IGSF10: variants seen among roughly 807,000 people sequenced by gnomAD.
IGSF10 encodes the protein immunoglobulin superfamily member 10, also known as calvaria mechanical force protein 608.
IGSF10 carries 126 observed loss-of-function variants against 128.2 expected under a neutral mutation model. That is an observed-to-expected ratio of 0.98 (90% CI 0.85 to 1.14). The LOEUF is 1.14. Among genes scored for constraint, IGSF10 ranks in the 50% most tolerant of loss-of-function variants. The pLI is 0.00. For synonymous variants in IGSF10, 1,185 were observed against 1,146.2 expected (o/e 1.03, Z -0.68); for missense variants, 3,295 against 3,149.8 (o/e 1.05, Z -1.10).
chr3:151,436,854 A>C lies in IGSF10; in HGVS notation c.7707T>G (p.Leu2569=). The change falls in exon 8 of 8, where the codon CTT becomes CTG. Residue 2569 remains leucine, a synonymous_variant. Transcript: ENST00000282466. ...EITWEMPDHS[L]LSTASKERTH... ...TCCTCTCTTTACTTGCCGTTGAGAG[A>C]AGGGAGTGGTCAGGCATCTCCCATG... The C allele has an allele frequency of 3.1e-6, 5 of 1,614,110 alleles. No homozygotes were observed. The highest frequency in any genetic ancestry group is 4.2e-6 in the Non-Finnish European group (5 of 1,180,014).
the IGSF10 span, chr3:151,475,716 G>T: frequency 2.0e-5 from 3 of 152,164 alleles, no homozygotes; most frequent in East Asian, 1.9e-4. Flanking sequence ...TGTGATTTTG[G>T]GGGCTGCTTG....
At chr3:151,510,835 G>A in the IGSF10 span, among the ~76,000 whole-genome samples, 3 of 152,148 alleles carry the variant, frequency 2.0e-5, no homozygotes, top group East Asian at 1.9e-4. Flanking sequence ...CTCAGTAACC[G>A]ATGCGATCAA....
the IGSF10 span, among the ~76,000 whole-genome samples, chr3:151,600,091 T>C: frequency 1.3e-5 from 2 of 152,228 alleles, no homozygotes; most frequent in Non-Finnish European, 2.9e-5. Context: ...TTAAGATCAA[T>C]AACATTAATG....
the IGSF10 span, among the ~76,000 whole-genome samples, chr3:151,597,294 A>C: frequency 6.5e-3 from 994 of 152,274 alleles, 18 homozygotes; most frequent in African/African-American, 0.023. Context: ...AATCACCCAA[A>C]TGTCTAATCA....
At chr3:151,534,059 CTCA>C in the IGSF10 span, among the ~76,000 whole-genome samples, 12 of 152,172 alleles carry the variant, frequency 7.9e-5, no homozygotes, top group South Asian at 6.2e-4. Context: ...TGAAAAAAAT[CTCA>C]TCATCACTGG....
chr3:151,509,859 C>T, the IGSF10 span, among the ~76,000 whole-genome samples: 1 of 152,188 alleles, frequency 6.6e-6, no homozygotes, highest in Non-Finnish European at 1.5e-5. Flanking sequence ...GTCTTACACC[C>T]ACAGAGCCTC....
chr3:151,601,230 CT>C, the IGSF10 span, among the ~76,000 whole-genome samples: 1 of 152,074 alleles, frequency 6.6e-6, no homozygotes, highest in Admixed American at 6.6e-5. Context: ...AAATTAAAAA[CT>C]TTGGAAGTTC....
the IGSF10 span, among the ~76,000 whole-genome samples, chr3:151,585,051 T>A: frequency 6.6e-6 from 1 of 152,252 alleles, no homozygotes; most frequent in Non-Finnish European, 1.5e-5. Flanking sequence ...TGCAAGCTAC[T>A]TCCTTGGCTT....
In IGSF10 at chr3:151,448,226, A is replaced by T; in HGVS notation, c.1755T>A (p.Val585=). 1.9e-6 allele frequency: 3 copies of T among 1,614,196 alleles called. No individual in the cohort carries two copies. The highest frequency in any genetic ancestry group is 2.5e-6 in the Non-Finnish European group (3 of 1,180,016). ...GAAGATCAAGTGTTTCACCAATGAA[A>T]ACTGTGTGATGAATCCCATTTTCCT... The part of the protein sequence containing the change: ...AYQENGIHHT[V]FIGETLDLPC... The change falls in exon 6 of 8, where the codon GTT becomes GTA. Residue 585 remains valine, a synonymous_variant. Transcript: ENST00000282466.
At chr3:151,512,780 A>T in the IGSF10 span, among the ~76,000 whole-genome samples, 2 of 152,244 alleles carry the variant, frequency 1.3e-5, no homozygotes, top group South Asian at 4.1e-4. Flanking sequence ...GACAAAGGGG[A>T]TATCACCACT....
At chr3:151,535,371 T>C in the IGSF10 span, among the ~76,000 whole-genome samples, 3 of 152,204 alleles carry the variant, frequency 2.0e-5, no homozygotes, top group African/African-American at 7.2e-5. Context: ...GAAAACCAAA[T>C]AATATACTTC....
intron 5 of IGSF10, among the ~76,000 whole-genome samples, chr3:151,452,454 T>G (rs1721554850): frequency 6.6e-6 from 1 of 152,158 alleles, no homozygotes; most frequent in Non-Finnish European, 1.5e-5. Flanking sequence ...AGGTAACATA[T>G]TGCACTACCA....
At chr3:151,575,390 C>T in the IGSF10 span, among the ~76,000 whole-genome samples, 1 of 152,092 alleles carries the variant, frequency 6.6e-6, no homozygotes, top group African/African-American at 2.4e-5. Context: ...CTAGTTCGAG[C>T]TTCCCGGTCG....
At chr3:151,516,642 G>A in the IGSF10 span, among the ~76,000 whole-genome samples, 3 of 152,022 alleles carry the variant, frequency 2.0e-5, no homozygotes, top group Non-Finnish European at 4.4e-5. Context: ...TCTTCTAGAA[G>A]GGCATCATTT....
chr3:151,472,070 C>T, the IGSF10 span, among the ~76,000 whole-genome samples: 1 of 152,102 alleles, frequency 6.6e-6, no homozygotes, highest in African/African-American at 2.4e-5. Flanking sequence ...ATGGAACAGA[C>T]AAAATGATCC....
intron 3 of IGSF10, among the ~76,000 whole-genome samples, chr3:151,458,114 T>C (rs1266464313): frequency 2.0e-5 from 3 of 151,910 alleles, no homozygotes; most frequent in East Asian, 3.9e-4. Flanking sequence ...AGGATACATA[T>C]ATATATATAT....
chr3:151,446,731 C>A lies in IGSF10; in HGVS notation c.3250G>T (p.Ala1084Ser). The A allele has an allele frequency of 1.9e-6, 3 of 1,614,138 alleles. No homozygotes were observed. The highest frequency in any genetic ancestry group is 2.5e-6 in the Non-Finnish European group (3 of 1,180,038). Residue 1084 changes from alanine to serine, a missense_variant, in exon 6 of 8, where the codon GCT (alanine) becomes TCT (serine). By Grantham distance (99) the Ala-to-Ser change is moderately conservative. Coordinates refer to ENST00000282466, the MANE Select transcript of IGSF10 (RefSeq NM_178822.5). ...TATAALSFPS[A>S]APITFPKADI... The stretch of plus-strand genomic sequence containing the variant: ...GCTTTGGGGAAGGTGATGGGAGCAG[C>A]ACTTGGAAAAGACAATGCTGCTGTG...
At chr3:151,434,817 C>A (rs1354640998), downstream of IGSF10, 1 of 152,188 alleles carries the variant, frequency 6.6e-6, no homozygotes, top group Non-Finnish European at 1.5e-5. Flanking sequence ...AATTGCATAG[C>A]ATTTGTATGC....
the IGSF10 span, among the ~76,000 whole-genome samples, chr3:151,509,991 G>A: frequency 6.6e-6 from 1 of 152,208 alleles, no homozygotes; most frequent in Non-Finnish European, 1.5e-5. Context: ...CTGGAACTGG[G>A]TGGAGCCCAC....
Sources: allele counts gnomAD v4.1 joint callset (sites outside exome capture counted in the v4.1 genomes callset), GRCh38; gene constraint gnomAD v4.1.1; transcripts MANE v1.5; gene names NCBI Gene and HGNC (gene_info 2026-07-23, HGNC 2026-07-21).